Variants in LOC128092252 observed in about 807,000 individuals in gnomAD.
chr15:50,662,421 T>A, the LOC128092252 span, among the ~76,000 whole-genome samples: 1 of 152,146 alleles, frequency 6.6e-6, no homozygotes, highest in Non-Finnish European at 1.5e-5. Flanking sequence ...TAAGTTAATG[T>A]CCTTTAATTT....
the LOC128092252 span, chr15:50,657,750 A>T: frequency 2.5e-6 from 4 of 1,600,376 alleles, no homozygotes; most frequent in Non-Finnish European, 3.4e-6. Context: ...TATTTTCCGA[A>T]ATTTGTGCGG....
the LOC128092252 span, among the ~76,000 whole-genome samples, chr15:50,673,306 T>C: frequency 1.3e-5 from 2 of 152,090 alleles, no homozygotes; most frequent in South Asian, 2.1e-4. Flanking sequence ...TGGAAACAGG[T>C]AGTGTTTAGT....
the LOC128092252 span, chr15:50,686,510 G>A: frequency 1.9e-6 from 3 of 1,613,792 alleles, no homozygotes; most frequent in South Asian, 1.1e-5. Context: ...TTCCCCGCCC[G>A]GGCCTGCGTG....
At chr15:50,670,116 C>T in the LOC128092252 span, among the ~76,000 whole-genome samples, 15 of 152,102 alleles carry the variant, frequency 9.9e-5, no homozygotes, top group Non-Finnish European at 1.5e-4. Flanking sequence ...CTCTCTATCA[C>T]GGACACAAGA....
At chr15:50,685,129 T>C in the LOC128092252 span, among the ~76,000 whole-genome samples, 3 of 152,244 alleles carry the variant, frequency 2.0e-5, no homozygotes, top group African/African-American at 7.2e-5. Context: ...CCAATGGGTA[T>C]ATGGTAGTTC....
At chr15:50,678,239 CA>C in the LOC128092252 span, among the ~76,000 whole-genome samples, 15 of 92,060 alleles carry the variant, frequency 1.6e-4, no homozygotes, top group South Asian at 8.0e-4. Context: ...GACTCTCTCT[CA>C]AAAAAAAAAA....
At chr15:50,649,844 G>A in the LOC128092252 span, among the ~76,000 whole-genome samples, 2 of 152,164 alleles carry the variant, frequency 1.3e-5, no homozygotes, top group African/African-American at 4.8e-5. Flanking sequence ...AAAGAGGAGG[G>A]AGCTACAACG....
At chr15:50,665,761 G>A in the LOC128092252 span, among the ~76,000 whole-genome samples, 191 of 152,200 alleles carry the variant, frequency 1.3e-3, no homozygotes, top group South Asian at 4.4e-3. Context: ...TTGGGAGGCC[G>A]AGGTGGGCAG....
the LOC128092252 span, among the ~76,000 whole-genome samples, chr15:50,676,540 G>C: frequency 6.6e-6 from 1 of 152,016 alleles, no homozygotes; most frequent in Non-Finnish European, 1.5e-5. Flanking sequence ...TCAACACAGC[G>C]AGACCTCATC....
the LOC128092252 span, among the ~76,000 whole-genome samples, chr15:50,682,531 G>A: frequency 6.0e-5 from 9 of 149,076 alleles, no homozygotes; most frequent in African/African-American, 7.4e-5. Context: ...AGCCAAGATC[G>A]CACCATTGCA....
At chr15:50,671,439 T>TAAC in the LOC128092252 span, among the ~76,000 whole-genome samples, 1 of 152,192 alleles carries the variant, frequency 6.6e-6, no homozygotes, top group Non-Finnish European at 1.5e-5. Flanking sequence ...ATGTGCCACA[T>TAAC]AACAACACTG....
At chr15:50,666,819 C>A in the LOC128092252 span, among the ~76,000 whole-genome samples, 5 of 151,810 alleles carry the variant, frequency 3.3e-5, no homozygotes, top group Non-Finnish European at 5.9e-5. Context: ...AAAGAAGAGG[C>A]GGTGGAGGTG....
At chr15:50,663,495 C>T in the LOC128092252 span, among the ~76,000 whole-genome samples, 1 of 152,032 alleles carries the variant, frequency 6.6e-6, no homozygotes, top group African/African-American at 2.4e-5. Context: ...AGGATGGCAC[C>T]CCAAAACGTC....
At chr15:50,663,192 G>T in the LOC128092252 span, 1 of 619,234 alleles carries the variant, frequency 1.6e-6, no homozygotes, top group East Asian at 3.1e-5. Flanking sequence ...GCAATGGTGT[G>T]ATCTTGGCTC....
chr15:50,665,511 A>C, the LOC128092252 span, among the ~76,000 whole-genome samples: 2 of 152,170 alleles, frequency 1.3e-5, no homozygotes, highest in Non-Finnish European at 2.9e-5. Flanking sequence ...ACATAATGTA[A>C]ATAAAAATTT....
At chr15:50,681,262 A>ACACACAC in the LOC128092252 span, among the ~76,000 whole-genome samples, 1 of 53,610 alleles carries the variant, frequency 1.9e-5, no homozygotes, top group African/African-American at 1.4e-4. Context: ...AAAATAAATA[A>ACACACAC]ATACACACAC....
chr15:50,679,094 GATCTC>G, the LOC128092252 span, among the ~76,000 whole-genome samples: 28 of 136,356 alleles, frequency 2.1e-4, 4 homozygotes, highest in African/African-American at 7.4e-4. Context: ...GGATGGTCTC[GATCTC>G]TTGACCTGGT....
At chr15:50,676,415 T>A in the LOC128092252 span, among the ~76,000 whole-genome samples, 1 of 151,774 alleles carries the variant, frequency 6.6e-6, no homozygotes, top group Non-Finnish European at 1.5e-5. Context: ...CACCATAAAT[T>A]CTGGACAAAA....
At chr15:50,655,304 G>A in the LOC128092252 span, among the ~76,000 whole-genome samples, 2 of 151,504 alleles carry the variant, frequency 1.3e-5, no homozygotes, top group East Asian at 3.9e-4. Context: ...ATGGTGGCAT[G>A]CGTCTGTAAT....
Sources: gnomAD v4.1 joint callset for allele counts (sites outside exome capture counted in the v4.1 genomes callset) on GRCh38, gnomAD v4.1.1 for gene constraint, MANE v1.5 for transcripts.